The following ANO10 variants were observed in gnomAD, a reference collection of about 807,000 sequenced individuals.
The protein encoded by ANO10 is anoctamin-10.
A neutral mutation model predicts 74.7 loss-of-function variants in ANO10; 77 were observed. That is an observed-to-expected ratio of 1.03 (90% CI 0.86 to 1.25). The LOEUF is 1.25. Ranked by LOEUF, ANO10 falls within the 50% of genes most tolerant of loss-of-function variation. The pLI is 0.00. For synonymous variants in ANO10, 279 were observed against 284.9 expected (o/e 0.98, Z 0.21); for missense variants, 721 against 778.1 (o/e 0.93, Z 0.87).
At chr3:43,386,064 G>T (rs34112359) in intron 12 of ANO10, among the ~76,000 whole-genome samples, 31,164 of 152,132 alleles carry the variant, frequency 0.2, 3,743 homozygotes, top group Middle Eastern at 0.38. Flanking sequence ...CATGGACAAG[G>T]GGGGAATAAA....
At chr3:43,399,397 T>C (rs1003752604) in intron 12 of ANO10, among the ~76,000 whole-genome samples, 2 of 152,232 alleles carry the variant, frequency 1.3e-5, no homozygotes, top group Non-Finnish European at 2.9e-5. Flanking sequence ...AGGTTTTTAT[T>C]AGAATGTTCT....
chr3:43,475,661 C>CA (rs1262616427), intron 11 of ANO10, among the ~76,000 whole-genome samples: 5 of 152,186 alleles, frequency 3.3e-5, no homozygotes, highest in African/African-American at 1.2e-4. Flanking sequence ...TGCAATGGCG[C>CA]AACCTTGGCT....
At position 43,370,492 on chromosome 3, in the gene ANO10, C is replaced by T. The variant is rs998145651; in HGVS notation, c.1915-3518G>A. Reference sequence around the variant, plus strand: ...CGTGGGCTGGGACGGTGCCTAGGCACCAGGCTGCCTCTGGCAGCTCAGTTC... The same window carrying T: ...CGTGGGCTGGGACGGTGCCTAGGCATCAGGCTGCCTCTGGCAGCTCAGTTC... On this transcript the variant is annotated intron_variant, in intron 12 of 12. Coordinates refer to ENST00000292246, the MANE Select transcript of ANO10 (RefSeq NM_018075.5). Among the ~76,000 whole-genome samples, 113 of 143,100 alleles carry T rather than the reference C, an allele frequency of 7.9e-4. 1 individual carries two copies. The highest frequency in any genetic ancestry group is 4.6e-5 in the Non-Finnish European group (3 of 65,752). The allele number at this position is 143,100 out of a possible 152,430, so 93.9% of individuals were successfully genotyped here. A position where few individuals can be genotyped will look rare whatever the true frequency, so the allele number is the denominator to read the frequency against.
intron 1 of ANO10, among the ~76,000 whole-genome samples, chr3:43,666,182 G>T (rs995392034): frequency 1.3e-5 from 2 of 152,028 alleles, no homozygotes; most frequent in African/African-American, 2.4e-5. Flanking sequence ...AAGCTTTAAA[G>T]AATAATTCAA....
intron 11 of ANO10, among the ~76,000 whole-genome samples, chr3:43,535,267 CTTTTTTTTTTT>C (rs71616100): frequency 1.9e-5 from 2 of 107,896 alleles, no homozygotes; most frequent in African/African-American, 3.6e-5. Context: ...CCTAGACATT[CTTTTTTTTTTT>C]TTTTTTTTTT....
chr3:43,518,107 C>A (rs997895239), intron 11 of ANO10, among the ~76,000 whole-genome samples: 1 of 152,158 alleles, frequency 6.6e-6, no homozygotes, highest in Non-Finnish European at 1.5e-5. Context: ...TCAGTCCTAT[C>A]CTATCTGGGC....
chr3:43,382,687 G>A (rs933833561), intron 12 of ANO10, among the ~76,000 whole-genome samples: 4 of 152,178 alleles, frequency 2.6e-5, no homozygotes, highest in East Asian at 3.9e-4. Flanking sequence ...GAAACGAAAC[G>A]GGAGATATTA....
At chr3:43,489,035 T>C (rs968170411) in intron 11 of ANO10, among the ~76,000 whole-genome samples, 12 of 151,322 alleles carry the variant, frequency 7.9e-5, no homozygotes, top group East Asian at 2.0e-4. Flanking sequence ...ATGGATGAAA[T>C]TGGAAAACAT....
intron 3 of ANO10, among the ~76,000 whole-genome samples, chr3:43,599,556 T>C (rs969338089): frequency 1.3e-5 from 2 of 152,220 alleles, no homozygotes; most frequent in African/African-American, 4.8e-5. Context: ...ACTTATGAGA[T>C]GCAACTTTTT....
intron 11 of ANO10, among the ~76,000 whole-genome samples, chr3:43,522,376 A>G (rs190542653): frequency 1.3e-5 from 2 of 152,288 alleles, no homozygotes; most frequent in African/African-American, 4.8e-5. Flanking sequence ...CACTTTCACC[A>G]TTCTTTATGA....
At chr3:43,652,935 G>C (rs936520291) in intron 1 of ANO10, 6 of 152,006 alleles carry the variant, frequency 3.9e-5, no homozygotes, top group African/African-American at 1.5e-4. Flanking sequence ...GGCCGGGTGT[G>C]GTGGCTCATA....
intron 1 of ANO10, among the ~76,000 whole-genome samples, chr3:43,658,562 T>C (rs890915990): frequency 2.0e-5 from 3 of 152,060 alleles, no homozygotes; most frequent in Non-Finnish European, 2.9e-5. Context: ...CTCTGCCTCC[T>C]GGGTTCAAGC....
intron 11 of ANO10, among the ~76,000 whole-genome samples, chr3:43,537,611 C>CCACACACACACA (rs3223349): frequency 5.7e-5 from 8 of 139,956 alleles, no homozygotes; most frequent in African/African-American, 1.3e-4. Context: ...ACTTTATAAA[C>CCACACACACACA]CACACACACA....
intron 1 of ANO10, among the ~76,000 whole-genome samples, chr3:43,661,433 A>T (rs1363778385): frequency 6.6e-6 from 1 of 152,350 alleles, no homozygotes; most frequent in Admixed American, 6.5e-5. Context: ...AACAACCAGT[A>T]CCAGCCACTG....
At chr3:43,442,784 A>G (rs1256728224) in intron 11 of ANO10, among the ~76,000 whole-genome samples, 1 of 152,224 alleles carries the variant, frequency 6.6e-6, no homozygotes, top group Non-Finnish European at 1.5e-5. Flanking sequence ...AGCAGAATAT[A>G]TAAACAAATG....
intron 1 of ANO10, among the ~76,000 whole-genome samples, chr3:43,627,121 C>T (rs934362777): frequency 2.0e-5 from 3 of 152,240 alleles, no homozygotes; most frequent in East Asian, 1.9e-4. Flanking sequence ...ACAAGGCCAC[C>T]ATCCACCATT....
At chr3:43,576,322 G>C (rs775114097) in intron 6 of ANO10, among the ~76,000 whole-genome samples, 3 of 152,140 alleles carry the variant, frequency 2.0e-5, no homozygotes, top group Non-Finnish European at 1.5e-5. Context: ...TGGAAAGATA[G>C]GTCTGAATTA....
chr3:43,579,921 A>G (rs1302809045), intron 5 of ANO10, among the ~76,000 whole-genome samples: 2 of 152,008 alleles, frequency 1.3e-5, no homozygotes, highest in Non-Finnish European at 2.9e-5. Flanking sequence ...TTGGGAGCCC[A>G]AGGCACAAGG....
intron 1 of ANO10, among the ~76,000 whole-genome samples, chr3:43,660,574 C>T (rs2083914399): frequency 6.6e-6 from 1 of 152,166 alleles, no homozygotes; most frequent in Non-Finnish European, 1.5e-5. Flanking sequence ...ACGAACAAAG[C>T]TTCCAAGACA....
Sources: gnomAD v4.1 joint callset for allele counts (sites outside exome capture counted in the v4.1 genomes callset) on GRCh38, gnomAD v4.1.1 for gene constraint, MANE v1.5 for transcripts, NCBI Gene and HGNC (gene_info 2026-07-23, HGNC 2026-07-21) for gene names.